Variants in CDK11B observed in about 807,000 individuals in gnomAD.
CDK11B encodes the protein cyclin-dependent kinase 11B.
A neutral mutation model predicts 84.0 loss-of-function variants in CDK11B; 37 were observed. That is an observed-to-expected ratio of 0.44 (90% CI 0.34 to 0.58). CDK11B has a LOEUF of 0.58. Ranked by LOEUF, CDK11B falls within the 20% of genes least tolerant of loss-of-function variation. The probability of loss-of-function intolerance (pLI) is 0.02; values close to 1 mark genes in which losing one functional copy is unlikely to be tolerated. For missense variants in CDK11B, 427 were observed against 834.0 expected (o/e 0.51, Z 6.01); for synonymous variants, 269 against 309.8 (o/e 0.87, Z 1.38).
At chr1:1,641,326 T>G (rs1466573696) in intron 9 of CDK11B, among the ~76,000 whole-genome samples, 1 of 147,390 alleles carries the variant, frequency 6.8e-6, no homozygotes, top group African/African-American at 2.4e-5. Flanking sequence ...CTGGCCAACG[T>G]GGTGAAACCC....
At chr1:1,654,227 G>T (rs1318206982) in intron 3 of CDK11B, 1 of 444,946 alleles carries the variant, frequency 2.2e-6, no homozygotes, top group South Asian at 1.6e-5. Context: ...ACGAGAAACA[G>T]TTCATGGCAC....
intron 11 of CDK11B, among the ~76,000 whole-genome samples, chr1:1,639,945 G>A (rs1208905255): frequency 6.6e-6 from 1 of 151,656 alleles, no homozygotes; most frequent in Non-Finnish European, 1.5e-5. Context: ...CGCCCACGCA[G>A]GGGTCAAGTG....
intron 4 of CDK11B, among the ~76,000 whole-genome samples, chr1:1,650,075 C>A (rs1447307296): frequency 3.9e-4 from 59 of 151,076 alleles, no homozygotes; most frequent in South Asian, 4.2e-4. Context: ...TCGGGACCAT[C>A]CTGGCTAACA....
chr1:1,649,702 C>G, intron 4 of CDK11B, 65 bp from the exon 5 acceptor site: 1 of 1,541,274 alleles, frequency 6.5e-7, no homozygotes, highest in South Asian at 1.1e-5. Context: ...AAGCCGGGCA[C>G]GGAGGCTTAT....
intron 5 of CDK11B, among the ~76,000 whole-genome samples, chr1:1,647,359 G>C (rs1641297509): frequency 6.6e-6 from 1 of 152,384 alleles, no homozygotes; most frequent in South Asian, 2.1e-4. Context: ...CCCTTTCGTT[G>C]TTACCACCGA....
intron 3 of CDK11B, among the ~76,000 whole-genome samples, chr1:1,653,848 A>ACG: frequency 6.7e-6 from 1 of 149,992 alleles, no homozygotes; most frequent in East Asian, 2.0e-4. Context: ...ACACACACAC[A>ACG]CACACACACA....
At chr1:1,650,227 G>A (rs1189248461) in intron 4 of CDK11B, among the ~76,000 whole-genome samples, 46 of 121,438 alleles carry the variant, frequency 3.8e-4, no homozygotes, top group South Asian at 1.9e-3. Context: ...CTGAGATTGC[G>A]CCACTGTACT....
rs575391647 is a variant in CDK11B, at chr1:1,639,883, C to T, written c.1251+394G>A. ...ACACTGACTCCCGTAGCCGCTCCCC[C>T]ATCCAAGCCCTGCACAGATGCCGGT... On this transcript the variant is annotated intron_variant, in intron 11 of 19. Coordinates refer to ENST00000341832, the MANE Select transcript of CDK11B (RefSeq NM_033486.3). Among the ~76,000 whole-genome samples, 292 of 152,036 alleles carry T rather than the reference C, an allele frequency of 1.9e-3. 1 individual carries two copies. The highest frequency in any genetic ancestry group is 6.6e-3 in the African/African-American group (273 of 41,540).
chr1:1,638,805 C>A (rs1467259706), intron 11 of CDK11B, among the ~76,000 whole-genome samples: 1 of 151,978 alleles, frequency 6.6e-6, no homozygotes, highest in Non-Finnish European at 1.5e-5. Flanking sequence ...CCAGTGTGAA[C>A]AAAAGGCCAT....
chr1:1,642,034 GA>G, intron 7 of CDK11B, 33 bp from the exon 8 acceptor site: 1 of 605,062 alleles, frequency 1.7e-6, no homozygotes, highest in East Asian at 2.8e-5. Context: ...TGAATTTGGG[GA>G]AATGTTTTTA....
rs774178696 is a variant in CDK11B at position 1,636,395 on chromosome 1, G to A, written c.2004C>T (p.Tyr668=). The A allele has an allele frequency of 1.9e-6, 3 of 1,610,220 alleles. No homozygotes were observed. The highest frequency in any genetic ancestry group is 4.5e-5 in the East Asian group (2 of 44,772). The change falls in exon 18 of 20, where the codon TAC becomes TAT. Residue 668 remains tyrosine, a synonymous_variant. Transcript: ENST00000341832. ...VKKMTFSEHP[Y]NNLRKRFGAL... The stretch of plus-strand genomic sequence containing the variant: ...CCCCGAAGCGCTTGCGGAGGTTGTT[G>A]TAGGGGTGCTCGCTGAAGGTCATCT...
chr1:1,647,603 G>A (rs1305633622), intron 5 of CDK11B, among the ~76,000 whole-genome samples: 2 of 152,350 alleles, frequency 1.3e-5, no homozygotes, highest in South Asian at 2.1e-4. Context: ...ACGTTCACGC[G>A]TCATTCGCAT....
At chr1:1,639,035 G>A in intron 11 of CDK11B, among the ~76,000 whole-genome samples, 1 of 150,828 alleles carries the variant, frequency 6.6e-6, no homozygotes, top group East Asian at 1.9e-4. Context: ...CCACCTCCTG[G>A]GTTCAGGCGA....
chr1:1,655,626 A>G (rs1399480745), intron 2 of CDK11B, 142 bp from the exon 3 acceptor site: 2 of 1,322,544 alleles, frequency 1.5e-6, no homozygotes, highest in Non-Finnish European at 2.0e-6. Context: ...AGTGTTATAA[A>G]ATATAAAGAA....
chr1:1,652,710 C>G (rs1642165551), intron 3 of CDK11B, 144 bp from the exon 4 acceptor site: 2 of 631,606 alleles, frequency 3.2e-6, no homozygotes, highest in Admixed American at 6.4e-5. Context: ...TACATTAATT[C>G]TCCAACTTTA....
At chr1:1,649,275 A>T (rs1327102902) in intron 5 of CDK11B, among the ~76,000 whole-genome samples, 49 of 151,620 alleles carry the variant, frequency 3.2e-4, no homozygotes, top group African/African-American at 1.2e-3. Context: ...AATTTTTTGT[A>T]TTTTTTTAGT....
At chr1:1,640,737 C>T (rs1425246802) in intron 10 of CDK11B, among the ~76,000 whole-genome samples, 4 of 152,252 alleles carry the variant, frequency 2.6e-5, no homozygotes, top group African/African-American at 7.2e-5. Context: ...CACTGCCTGT[C>T]GGAGGCTGGG....
intron 4 of CDK11B, among the ~76,000 whole-genome samples, chr1:1,651,657 C>G (rs1642024245): frequency 6.6e-6 from 1 of 151,600 alleles, no homozygotes; most frequent in African/African-American, 2.4e-5. Flanking sequence ...TCTGAACGGT[C>G]TGTGACACAC....
chr1:1,637,598 A>T lies in CDK11B; in HGVS notation c.1465-85T>A, dbSNP rs1639571615. Reference sequence around the variant, plus strand: ...CGGGTGCAGCTGCTGAGGGACAGTAAGGACCTCCGGTGCCACCCGGGAGGC... The same window carrying T: ...CGGGTGCAGCTGCTGAGGGACAGTATGGACCTCCGGTGCCACCCGGGAGGC... On this transcript the variant is annotated intron_variant, in intron 13 of 19. Coordinates refer to ENST00000341832, the MANE Select transcript of CDK11B (RefSeq NM_033486.3). 3.7e-6 allele frequency: 6 copies of T among 1,609,390 alleles called. No individual in the cohort carries two copies. The South Asian group carries it at 6.6e-5, about 18-fold the overall frequency.
Sources: gnomAD v4.1 joint callset for allele counts (sites outside exome capture counted in the v4.1 genomes callset) on GRCh38, gnomAD v4.1.1 for gene constraint, MANE v1.5 for transcripts, NCBI Gene and HGNC (gene_info 2026-07-23, HGNC 2026-07-21) for gene names.